Variants in ARHGEF18 observed in about 807,000 individuals in gnomAD.
ARHGEF18 encodes the protein Rho/Rac guanine nucleotide exchange factor 18.
In ARHGEF18, 93 loss-of-function variants were observed where a neutral mutation model predicts 155.7. That is an observed-to-expected ratio of 0.60 (90% CI 0.50 to 0.71). The LOEUF (loss-of-function observed/expected upper bound fraction) is 0.71. Ranked by LOEUF, ARHGEF18 falls within the 30% of genes least tolerant of loss-of-function variation. ARHGEF18 has a pLI of 0.00. For missense variants in ARHGEF18, 1,593 were observed against 1,816.1 expected (o/e 0.88, Z 2.23); for synonymous variants, 742 against 753.1 (o/e 0.99, Z 0.24).
chr19:7,398,447 A>G (rs979761569), intron 10 of ARHGEF18, among the ~76,000 whole-genome samples: 23 of 151,992 alleles, frequency 1.5e-4, no homozygotes, highest in African/African-American at 5.3e-4. Flanking sequence ...TGTAATCCCA[A>G]CACCTTGGGA....
chr19:7,394,986 C>T (rs1261853005), intron 10 of ARHGEF18: 22 of 937,840 alleles, frequency 2.3e-5, no homozygotes, highest in Non-Finnish European at 2.8e-5. Flanking sequence ...AGCCGACGCC[C>T]CCTCACCACG....
chr19:7,446,998 G>T (rs778349487), intron 14 of ARHGEF18, 45 bp from the exon 15 acceptor site: 3 of 1,600,554 alleles, frequency 1.9e-6, no homozygotes, highest in Admixed American at 1.7e-5. Context: ...ATACTCTTTG[G>T]CAGTTTTCGT....
rs114545156 is a variant in ARHGEF18, at chr19:7,429,009, G to A, written c.968-11335G>A. ...GTGTGGTGAGCTGTAAAGGAAGCCC[G>A]CAGGCCTAGGCCACGGGCCCGAGGG... On this transcript the variant is annotated intron_variant, in intron 10 of 28. Coordinates refer to ENST00000668164, the MANE Select transcript of ARHGEF18 (RefSeq NM_001367823.1). Among the ~76,000 whole-genome samples the A allele has an allele frequency of 8.8e-3, 1,338 of 152,322 alleles. 15 individuals are homozygous for A. The highest frequency in any genetic ancestry group is 0.03 in the African/African-American group (1,239 of 41,576).
chr19:7,380,323 CA>C (rs563425784), intron 7 of ARHGEF18, among the ~76,000 whole-genome samples: 4 of 150,968 alleles, frequency 2.6e-5, no homozygotes, highest in African/African-American at 4.9e-5. Flanking sequence ...CTAAAAAATA[CA>C]AAAAATTAGC....
At chr19:7,399,638 G>A (rs1332731366) in intron 10 of ARHGEF18, among the ~76,000 whole-genome samples, 2 of 151,796 alleles carry the variant, frequency 1.3e-5, no homozygotes, top group East Asian at 1.9e-4. Flanking sequence ...CTGCCACCAC[G>A]CCTGGCTAAT....
rs1316445885 is a variant in ARHGEF18, at chr19:7,363,809, ATAATGGG to A, written c.15+906_15+912del. Among the ~76,000 whole-genome samples the A allele has an allele frequency of 2.0e-5, 3 of 150,612 alleles. No individual in the cohort carries two copies. In the East Asian group the frequency reaches 5.9e-4, roughly 30 times the overall value. On this transcript the variant is annotated intron_variant, in intron 2 of 28. Transcript: ENST00000668164. ...GAAAGAATGAAGGAAGGATGGATGG[ATAATGGG>A]TGGGTGAATGGATGGATGAGAAGAA... is the stretch of plus-strand genomic sequence containing the variant.
intron 10 of ARHGEF18, among the ~76,000 whole-genome samples, chr19:7,409,098 C>T (rs1221795902): frequency 1.5e-5 from 2 of 133,300 alleles, no homozygotes; most frequent in Non-Finnish European, 3.1e-5. Context: ...CTCGCTCTGT[C>T]GCCCAGGCTG....
intron 15 of ARHGEF18, among the ~76,000 whole-genome samples, chr19:7,450,105 G>A (rs769647720): frequency 1.3e-5 from 2 of 149,426 alleles, no homozygotes; most frequent in African/African-American, 2.5e-5. Context: ...CTTGGCAGCC[G>A]ATTGTTGACA....
rs138794111 is a variant in ARHGEF18, at chr19:7,370,176, G to A, written c.16-2636G>A. The stretch of plus-strand genomic sequence containing the variant: ...GGTGCCACTCCACTCCAGCCTGGGT[G>A]ACAGAGCAAGACTCTGTCTCAAAAA... On this transcript the variant is annotated intron_variant, in intron 2 of 28. Coordinates refer to ENST00000668164, the MANE Select transcript of ARHGEF18 (RefSeq NM_001367823.1). 3.8e-3 allele frequency among the ~76,000 whole-genome samples: 573 copies of A among 150,414 alleles called. 2 individuals are homozygous for A. The highest frequency in any genetic ancestry group is 6.5e-3 in the Non-Finnish European group (438 of 67,554).
chr19:7,449,288 C>G (rs1401539093), intron 15 of ARHGEF18, among the ~76,000 whole-genome samples: 3 of 152,048 alleles, frequency 2.0e-5, no homozygotes, highest in African/African-American at 7.2e-5. Context: ...AGAAAGCACC[C>G]AGGCTGGGCG....
chr19:7,349,493 G>A (rs1313014639), intron 1 of ARHGEF18, among the ~76,000 whole-genome samples: 1 of 151,916 alleles, frequency 6.6e-6, no homozygotes. Context: ...AAAGGAGGGT[G>A]GAGGCCGGGC....
At chr19:7,427,468 G>C (rs1973727018) in intron 10 of ARHGEF18, among the ~76,000 whole-genome samples, 1 of 151,310 alleles carries the variant, frequency 6.6e-6, no homozygotes, top group Non-Finnish European at 1.5e-5. Flanking sequence ...AACATAGCAA[G>C]ACCGTGTCTC....
chr19:7,388,532 G>A (rs1468341646), intron 10 of ARHGEF18, among the ~76,000 whole-genome samples: 1 of 152,066 alleles, frequency 6.6e-6, no homozygotes, highest in Non-Finnish European at 1.5e-5. Context: ...CTCACAGCCT[G>A]AGCCCCCGAT....
chr19:7,479,408 C>T, the ARHGEF18 span, among the ~76,000 whole-genome samples: 84 of 152,226 alleles, frequency 5.5e-4, no homozygotes, highest in Middle Eastern at 6.8e-3. Flanking sequence ...CACTTGACCC[C>T]GGGAGGTGGA....
At chr19:7,450,920 C>T (rs944200132) in intron 15 of ARHGEF18, among the ~76,000 whole-genome samples, 13 of 956 alleles carry the variant, frequency 0.014, no homozygotes, top group Middle Eastern at 0.5. Context: ...GATGTTAATG[C>T]AGGATCTTGC....
chr19:7,405,147 C>A (rs1194440615), intron 10 of ARHGEF18, among the ~76,000 whole-genome samples: 1 of 151,946 alleles, frequency 6.6e-6, no homozygotes, highest in Non-Finnish European at 1.5e-5. Context: ...TTAGTAGACA[C>A]GAGGTTTCAC....
chr19:7,362,042 A>C (rs1323687435), intron 1 of ARHGEF18, among the ~76,000 whole-genome samples: 26 of 39,926 alleles, frequency 6.5e-4, no homozygotes, highest in Non-Finnish European at 1.0e-3. Context: ...AAGGAGAAGG[A>C]GAAGGAGAAG....
intron 1 of ARHGEF18, among the ~76,000 whole-genome samples, chr19:7,358,031 G>T (rs150523272): frequency 2.0e-5 from 3 of 151,812 alleles, no homozygotes; most frequent in African/African-American, 7.3e-5. Flanking sequence ...GTAATGCATC[G>T]CTGCCTCTGG....
In ARHGEF18 at chr19:7,379,163, A is replaced by T. The variant is rs1970606190; in HGVS notation, c.641A>T (p.His214Leu). 1 of 1,232,356 alleles carries T rather than the reference A, an allele frequency of 8.1e-7. No homozygotes were observed. Among genetic ancestry groups the T allele is most frequent in the African/African-American group, 1.6e-5 (1 of 64,426 alleles). 76.3% of individuals were successfully genotyped at this position (1,232,356 alleles called of 1,614,324 possible). Residue 214 changes from histidine (H) to leucine (L), a missense_variant, in exon 7 of 29, where the codon CAT becomes CTT. Coordinates refer to ENST00000668164, the MANE Select transcript of ARHGEF18 (RefSeq NM_001367823.1). ...QQVLQELRQY[H>L]GARQRACMSA... ...GTGCTTCAAGAACTTCGACAGTACC[A>T]TGGGTAAGTGGGAATCGGGACAGGC... is the stretch of plus-strand genomic sequence containing the variant.
Sources: gnomAD v4.1 joint callset for allele counts (sites outside exome capture counted in the v4.1 genomes callset) on GRCh38, gnomAD v4.1.1 for gene constraint, MANE v1.5 for transcripts, NCBI Gene and HGNC (gene_info 2026-07-23, HGNC 2026-07-21) for gene names.